Variants in CRYBG1 observed in about 807,000 individuals in gnomAD.
CRYBG1 encodes the protein beta/gamma crystallin domain-containing protein 1.
CRYBG1 carries 139 observed loss-of-function variants against 189.2 expected under a neutral mutation model. That is an observed-to-expected ratio of 0.73 (90% confidence interval 0.64 to 0.85). CRYBG1 has a LOEUF of 0.85. Ranked by LOEUF, CRYBG1 falls within the 40% of genes least tolerant of loss-of-function variation. The pLI is 0.00. For missense variants in CRYBG1, 2,611 were observed against 2,675.8 expected, an observed-to-expected ratio of 0.98 and a Z score of 0.53; for synonymous variants, 1,023 against 1,017.1, an observed-to-expected ratio of 1.01 and a Z score of -0.11.
chr6:106,556,798 GT>G (rs1280205124), intron 17 of CRYBG1, among the ~76,000 whole-genome samples: 1 of 152,156 alleles, frequency 6.6e-6, no homozygotes, highest in East Asian at 1.9e-4. Context: ...CTGCCTGCCT[GT>G]TTAAATAGCA....
rs749112304 is a variant in CRYBG1, at chr6:106,558,594, CA to C, written c.5827del (p.Ile1943TyrfsTer43). On this transcript the variant is annotated frameshift_variant, in exon 18 of 22. Transcript: ENST00000633556. LOFTEE classifies it high-confidence loss of function. The part of the protein sequence containing the change: ...VNLRSLGFNT[Q>X]IRSVQVIGGI... ...TCTCCGATCCCTGGGATTCAACACACAAATACGCTCTGTTCAGGTTATTGGT... is the reference window on the plus strand; with the variant it reads ...TCTCCGATCCCTGGGATTCAACACACAATACGCTCTGTTCAGGTTATTGGT... The C allele has an allele frequency of 1.3e-5, 21 of 1,613,076 alleles. No homozygotes were observed. The highest frequency in any genetic ancestry group is 1.7e-5 in the Non-Finnish European group (20 of 1,179,700).
chr6:106,471,835 T>G (rs9372130), intron 2 of CRYBG1, among the ~76,000 whole-genome samples: 8,919 of 149,004 alleles, frequency 0.06, 481 homozygotes, highest in East Asian at 0.21. Context: ...AAATTAAGAG[T>G]CTTATTTATT....
At chr6:106,431,063 T>C (rs986792579) in intron 1 of CRYBG1, among the ~76,000 whole-genome samples, 2 of 152,044 alleles carry the variant, frequency 1.3e-5, no homozygotes, top group African/African-American at 4.8e-5. Context: ...GGTTTCACCA[T>C]GTCAGCCAGG....
At chr6:106,552,142 GTTCTATTCA>G in intron 14 of CRYBG1, 33 bp from the exon 15 acceptor site, 1 of 1,542,160 alleles carries the variant, frequency 6.5e-7, no homozygotes, top group African/African-American at 1.4e-5. Flanking sequence ...CAATGTGTTT[GTTCTATTCA>G]TTTCCTTTTC....
intron 17 of CRYBG1, among the ~76,000 whole-genome samples, chr6:106,558,215 C>T (rs1046593989): frequency 2.2e-5 from 3 of 136,558 alleles, no homozygotes; most frequent in African/African-American, 5.4e-5. Context: ...ATATTCCCAG[C>T]GTATACCCAT....
intron 10 of CRYBG1, 140 bp from the exon 11 acceptor site, chr6:106,543,300 G>A (rs1332239455): frequency 2.7e-6 from 2 of 748,070 alleles, no homozygotes; most frequent in African/African-American, 3.5e-5. Flanking sequence ...AAAGTGCTGG[G>A]ATAACAGGCG....
intron 1 of CRYBG1, among the ~76,000 whole-genome samples, chr6:106,418,860 G>T (rs746825362): frequency 3.3e-5 from 5 of 152,208 alleles, no homozygotes; most frequent in Non-Finnish European, 7.3e-5. Context: ...AGGGGCACCC[G>T]AGTGGGTCTT....
intron 1 of CRYBG1, among the ~76,000 whole-genome samples, chr6:106,433,744 T>TATATATATATATATATATATAC (rs1562305824): frequency 5.2e-5 from 1 of 19,050 alleles, no homozygotes; most frequent in African/African-American, 3.2e-4. Flanking sequence ...TACATATATA[T>TATATATATATATATATATATAC]GTATATATAT....
rs867299714 is a variant in CRYBG1 at position 106,552,460 on chromosome 6, T to A, written c.5472+244T>A. The A allele has an allele frequency of 2.3e-4, 50 of 215,638 alleles. No individual in the cohort carries two copies. The East Asian group carries it at 3.9e-3, about 17-fold the overall frequency. The allele number at this position is 215,638 out of a possible 1,614,324, so 13.4% of individuals were successfully genotyped here. On this transcript the variant is annotated intron_variant, in intron 15 of 21. Coordinates refer to ENST00000633556, the MANE Select transcript of CRYBG1 (RefSeq NM_001371242.2). ...AATTAGCTGGGTGTGGTGGCTTGTG[T>A]CTATAAGCTCAGCTACTCAGGAAGC...
intron 1 of CRYBG1, among the ~76,000 whole-genome samples, chr6:106,362,350 T>C (rs970045143): frequency 1.7e-4 from 26 of 152,212 alleles, no homozygotes; most frequent in African/African-American, 5.8e-4. Flanking sequence ...CTAAGTGCCA[T>C]GTACTGCGAT....
intron 2 of CRYBG1, among the ~76,000 whole-genome samples, chr6:106,478,058 C>T (rs1206227004): frequency 6.6e-6 from 1 of 152,214 alleles, no homozygotes; most frequent in Non-Finnish European, 1.5e-5. Flanking sequence ...AGACTGTGCC[C>T]CTAAGCTGGG....
At chr6:106,556,337 T>C (rs971248116) in intron 17 of CRYBG1, among the ~76,000 whole-genome samples, 9 of 152,262 alleles carry the variant, frequency 5.9e-5, no homozygotes, top group African/African-American at 1.7e-4. Context: ...GGTTAATTTG[T>C]ATTTCACTAT....
Position 106,474,114 on chromosome 6 carries a change from C to A in CRYBG1, c.312+22282C>A, listed in dbSNP as rs151127952. Among the ~76,000 whole-genome samples, 874 of 152,322 alleles carry A rather than the reference C, an allele frequency of 5.7e-3. 5 individuals are homozygous for A. Among genetic ancestry groups the A allele is most frequent in the African/African-American group, 0.02 (811 of 41,572 alleles). ...ACACAATGTATCTGTAGTCCTTTTA[C>A]AAAACTGTATGTTCAGATATTGTCA... On this transcript the variant is annotated intron_variant, in intron 2 of 21. Transcript: ENST00000633556.
In CRYBG1 at chr6:106,551,866, A is replaced by G. The variant is rs1774411983; in HGVS notation, c.5327A>G (p.Glu1776Gly). The change falls in exon 14 of 22, where the codon GAA becomes GGA. Residue 1776 changes from glutamate to glycine, a missense_variant. Glu to Gly is a moderately conservative substitution (Grantham distance 98). Around this residue, in one of 3 missense-constraint regions of CRYBG1, gnomAD observed 1,622 missense variants for 1,735.0 expected, o/e 0.93. Coordinates refer to ENST00000633556, the MANE Select transcript of CRYBG1 (RefSeq NM_001371242.2). ...TTGTTTCTTAGATGGGTAGCCTATG[A>G]AAATCCTGACTTCACAGGAGAACAG... ...NVLSGVWVAY[E>G]NPDFTGEQYI... 6.2e-7 allele frequency: 1 copy of G among 1,612,458 alleles called. No homozygotes were observed.
Position 106,512,900 on chromosome 6 carries a change from T to C in CRYBG1, c.1783T>C (p.Phe595Leu). Residue 595 changes from phenylalanine to leucine, a missense_variant, in exon 3 of 22, where the codon TTC becomes CTC. Coordinates refer to ENST00000633556, the MANE Select transcript of CRYBG1 (RefSeq NM_001371242.2). ...CAAGAGGGGCCCGCTCCCCAACCAC[T>C]TCAACGGCCGGGCAGAGGGAGGTCG... ...EHKRGPLPNH[F>L]NGRAEGGRSR... The C allele has an allele frequency of 6.2e-7, 1 of 1,603,260 alleles. No homozygotes were observed. Among genetic ancestry groups the C allele is most frequent in the Non-Finnish European group, 8.5e-7 (1 of 1,175,172 alleles).
chr6:106,406,207 A>G (rs1439546866), intron 1 of CRYBG1, among the ~76,000 whole-genome samples: 1 of 152,182 alleles, frequency 6.6e-6, no homozygotes, highest in Admixed American at 6.5e-5. Context: ...GCTGAAAAAC[A>G]CACGCGAGAA....
At chr6:106,563,433 C>T (rs1774783987) in intron 20 of CRYBG1, among the ~76,000 whole-genome samples, 1 of 152,046 alleles carries the variant, frequency 6.6e-6, no homozygotes, top group South Asian at 2.1e-4. Flanking sequence ...CAGAACCTGC[C>T]TGGGATCATG....
At chr6:106,480,621 C>T (rs11759450) in intron 2 of CRYBG1, among the ~76,000 whole-genome samples, 7 of 148,754 alleles carry the variant, frequency 4.7e-5, no homozygotes, top group African/African-American at 7.5e-5. Flanking sequence ...GAGCTGAGAT[C>T]GCACCACTGC....
chr6:106,544,672 T>G lies in CRYBG1; in HGVS notation c.5141T>G (p.Leu1714Arg). ...WKAWGGYNGE[L>R]QSLRPILGDF... ...GCCTGGGGAGGTTACAATGGAGAGC[T>G]TCAGTCTTTACGACCTATATTAGGT... The change falls in exon 12 of 22, where the codon CTT becomes CGT. Residue 1714 changes from leucine to arginine, a missense_variant. Around this residue, in one of 3 missense-constraint regions of CRYBG1, gnomAD observed 1,622 missense variants for 1,735.0 expected, o/e 0.93. Coordinates refer to ENST00000633556, the MANE Select transcript of CRYBG1 (RefSeq NM_001371242.2). 6.2e-7 allele frequency: 1 copy of G among 1,614,074 alleles called. No individual in the cohort carries two copies. The highest frequency in any genetic ancestry group is 8.5e-7 in the Non-Finnish European group (1 of 1,179,988).
Sources: gnomAD v4.1 joint callset for allele counts (sites outside exome capture counted in the v4.1 genomes callset) on GRCh38, gnomAD v4.1.1 for gene constraint, gnomAD v4.1.1 regional missense constraint, MANE v1.5 for transcripts, NCBI Gene and HGNC (gene_info 2026-07-23, HGNC 2026-07-21) for gene names.